Variants in CFAP92 observed in about 807,000 individuals in gnomAD.
CFAP92 encodes uncharacterized protein CFAP92.
A neutral mutation model predicts 106.3 loss-of-function variants in CFAP92; 86 were observed. That is an observed-to-expected ratio of 0.81 (90% CI 0.68 to 0.97). The LOEUF is 0.97. Among genes scored for constraint, CFAP92 ranks in the 50% least tolerant of loss-of-function variants. The pLI is 0.00. For synonymous variants in CFAP92, 477 were observed against 506.4 expected, an observed-to-expected ratio of 0.94 and a Z score of 0.78; for missense variants, 1,204 against 1,283.8, an observed-to-expected ratio of 0.94 and a Z score of 0.95.
rs114763241 is a variant in CFAP92 at position 128,912,938 on chromosome 3, T to G, written c.3280+2181A>C. On this transcript the variant is annotated intron_variant, in intron 15 of 15. Transcript: ENST00000645291. ...ATGCTGCTGCCTCCAGGGTGTGAGG[T>G]GGGTGGGGACCTGTGTCAGGTGTGG... The G allele has an allele frequency of 3.9e-3, 2,009 of 521,490 alleles. 25 individuals carry two copies. Among genetic ancestry groups the G allele is most frequent in the African/African-American group, 0.034 (1,804 of 52,644 alleles). The allele number at this position is 521,490 out of a possible 1,614,324, so 32.3% of individuals were successfully genotyped here.
intron 15 of CFAP92, chr3:128,913,173 G>T: frequency 2.5e-6 from 1 of 404,898 alleles, no homozygotes; most frequent in Admixed American, 2.6e-5. Context: ...GTGACAGCAG[G>T]ACCCTGAGAA....
intron 10 of CFAP92, among the ~76,000 whole-genome samples, chr3:128,939,631 C>T (rs1011228071): frequency 1.3e-5 from 2 of 152,060 alleles, no homozygotes; most frequent in East Asian, 3.9e-4. Context: ...CCCTGAATAC[C>T]CCCACCCCTG....
upstream of CFAP92, among the ~76,000 whole-genome samples, chr3:129,006,233 T>C (rs984329138): frequency 9.9e-5 from 15 of 152,198 alleles, no homozygotes; most frequent in African/African-American, 3.6e-4. Flanking sequence ...CCTCCAGACC[T>C]TGCATCTGCT....
At chr3:128,997,842 G>A (rs562409520), upstream of CFAP92, among the ~76,000 whole-genome samples, 51 of 152,234 alleles carry the variant, frequency 3.4e-4, no homozygotes, top group African/African-American at 1.1e-3. Flanking sequence ...GAGTTGGGTC[G>A]TATGGTCATT....
chr3:128,916,002 T>C, intron 13 of CFAP92, 105 bp downstream of exon 13: 1 of 792,652 alleles, frequency 1.3e-6, no homozygotes, highest in Non-Finnish European at 1.7e-6. Flanking sequence ...CTGATTGGCT[T>C]TCATCTGTAT....
intron 2 of CFAP92, among the ~76,000 whole-genome samples, chr3:128,989,749 C>A (rs574654888): frequency 2.0e-5 from 3 of 152,306 alleles, no homozygotes; most frequent in African/African-American, 7.2e-5. Flanking sequence ...AAATTTTTAA[C>A]CCCAGGAGAC....
At chr3:129,015,532 C>G in the CFAP92 span, among the ~76,000 whole-genome samples, 1 of 152,138 alleles carries the variant, frequency 6.6e-6, no homozygotes, top group Non-Finnish European at 1.5e-5. Flanking sequence ...AAGTCAGCAG[C>G]TTGGGCTGGC....
At chr3:129,009,607 C>CT in the CFAP92 span, among the ~76,000 whole-genome samples, 1 of 152,172 alleles carries the variant, frequency 6.6e-6, no homozygotes, top group African/African-American at 2.4e-5. Context: ...AGAGCAAGGC[C>CT]CATTGAACTC....
At chr3:128,935,382 G>C in intron 10 of CFAP92, 63 bp from the exon 11 acceptor site, 1 of 1,175,916 alleles carries the variant, frequency 8.5e-7, no homozygotes, top group Non-Finnish European at 1.2e-6. Context: ...CCGTGGTGAG[G>C]GTGCGCTGTC....
chr3:128,967,790 G>A (rs1439387337), intron 8 of CFAP92: 1 of 152,096 alleles, frequency 6.6e-6, no homozygotes, highest in Non-Finnish European at 1.5e-5. Context: ...ATCAGAGTCA[G>A]GGAGACATAC....
intron 4 of CFAP92, among the ~76,000 whole-genome samples, chr3:128,982,623 C>T (rs1475881746): frequency 1.3e-5 from 2 of 152,316 alleles, no homozygotes; most frequent in Middle Eastern, 3.4e-3. Flanking sequence ...CTAGGCTTTT[C>T]GATGTGGCTT....
chr3:129,004,910 A>G (rs995227359), upstream of CFAP92, among the ~76,000 whole-genome samples: 6 of 151,774 alleles, frequency 4.0e-5, no homozygotes, highest in Admixed American at 6.6e-5. Context: ...GCAAGTCACC[A>G]CCCCTCACAG....
At chr3:128,921,569 G>A (rs537413582) in intron 12 of CFAP92, among the ~76,000 whole-genome samples, 4 of 152,280 alleles carry the variant, frequency 2.6e-5, no homozygotes, top group Admixed American at 1.3e-4. Context: ...CCCATTTCTT[G>A]GGCCATTGTT....
In CFAP92 at chr3:128,914,296, A is replaced by C. The variant is rs140002287; in HGVS notation, c.3280+823T>G. 1.4e-3 allele frequency among the ~76,000 whole-genome samples: 218 copies of C among 152,302 alleles called. 7 individuals carry two copies. The East Asian group carries it at 0.042, about 29-fold the overall frequency. ...ACAGCAGTAACTGTGGGCCTGGGACATGCCCACAGAGAGCAGGTCTCTTCA... is the reference window on the plus strand; with the variant it reads ...ACAGCAGTAACTGTGGGCCTGGGACCTGCCCACAGAGAGCAGGTCTCTTCA... On this transcript the variant is annotated intron_variant, in intron 15 of 15. Transcript: ENST00000645291.
At chr3:128,991,762 G>C in intron 2 of CFAP92, 1 of 1,006,038 alleles carries the variant, frequency 9.9e-7, no homozygotes, top group Non-Finnish European at 1.2e-6. Context: ...GCGCTCTCGG[G>C]GTTCCAACCC....
chr3:128,944,765 G>A (rs1004065651), intron 10 of CFAP92, among the ~76,000 whole-genome samples: 1 of 152,186 alleles, frequency 6.6e-6, no homozygotes, highest in Non-Finnish European at 1.5e-5. Flanking sequence ...GGGGCAAGGT[G>A]AAATCTAATA....
At chr3:129,020,600 G>A in the CFAP92 span, among the ~76,000 whole-genome samples, 1 of 152,184 alleles carries the variant, frequency 6.6e-6, no homozygotes, top group Non-Finnish European at 1.5e-5. Flanking sequence ...TCACGCCACT[G>A]CATTCCAGCC....
Position 128,935,134 on chromosome 3 carries a change from G to A in CFAP92, c.2444C>T (p.Ala815Val). Residue 815 changes from alanine to valine, a missense_variant, in exon 11 of 16, where the codon GCT (alanine) becomes GTT (valine). Coordinates refer to ENST00000645291, the MANE Select transcript of CFAP92 (RefSeq NM_001394090.1). ...AGCTGCCACTGCCCACCTGGCTAGAGCCTGGAAGACCCGCCTCCGCTCAGT... is the reference window on the plus strand; with the variant it reads ...AGCTGCCACTGCCCACCTGGCTAGAACCTGGAAGACCCGCCTCCGCTCAGT... ...RDTERRRVFQ[A>V]LARIHDICYN... is the part of the protein sequence containing the mutation. The A allele has an allele frequency of 6.5e-7, 1 of 1,527,022 alleles. No homozygotes were observed. Among genetic ancestry groups the A allele is most frequent in the South Asian group, 1.2e-5 (1 of 83,056 alleles). The allele number at this position is 1,527,022 out of a possible 1,614,324, so 94.6% of individuals were successfully genotyped here.
intron 10 of CFAP92, among the ~76,000 whole-genome samples, chr3:128,942,417 G>T (rs72977135): frequency 0.14 from 20,794 of 152,168 alleles, 2,328 homozygotes; most frequent in African/African-American, 0.31. Flanking sequence ...CACTGCACAG[G>T]TATGGCAGGC....
Sources: gnomAD v4.1 joint callset for allele counts (sites outside exome capture counted in the v4.1 genomes callset) on GRCh38, gnomAD v4.1.1 for gene constraint, MANE v1.5 for transcripts, NCBI Gene and HGNC (gene_info 2026-07-23, HGNC 2026-07-21) for gene names.